Variants in PCDHA12 observed in about 807,000 individuals in gnomAD.
PCDHA12 encodes protocadherin alpha 12.
In PCDHA12, 44 loss-of-function variants were observed where a neutral mutation model predicts 60.0. That is an observed-to-expected ratio of 0.73 (90% CI 0.58 to 0.94). PCDHA12 has a LOEUF of 0.94. Among genes scored for constraint, PCDHA12 ranks in the 40% least tolerant of loss-of-function variants. PCDHA12 has a pLI of 0.00. For missense variants in PCDHA12, 1,276 were observed against 1,239.7 expected, an observed-to-expected ratio of 1.03 and a Z score of -0.44; for synonymous variants, 569 against 553.0, an observed-to-expected ratio of 1.03 and a Z score of -0.40.
At chr5:140,888,645 C>A (rs1275572541) in intron 1 of PCDHA12, among the ~76,000 whole-genome samples, 2 of 152,200 alleles carry the variant, frequency 1.3e-5, no homozygotes, top group African/African-American at 4.8e-5. Context: ...GCAATACTTT[C>A]CTGAGGACAC....
rs782706939 is a variant in PCDHA12 at position 140,967,257 on chromosome 5, G to C, written c.2368-11692G>C. ...CAGGTAAGCGAATCGGTGGCGCCTG[G>C]AGCGCGCTTTCACATAGAGAGTGCG... is the stretch of plus-strand genomic sequence containing the variant. On this transcript the variant is annotated intron_variant, in intron 1 of 3. Coordinates refer to ENST00000398631, the MANE Select transcript of PCDHA12 (RefSeq NM_018903.4). 1.9e-6 allele frequency: 3 copies of C among 1,613,486 alleles called. No individual in the cohort carries two copies. The highest frequency in any genetic ancestry group is 1.3e-5 in the African/African-American group (1 of 75,062).
Position 140,912,620 on chromosome 5 carries a change from G to A in PCDHA12, c.2367+34781G>A, listed in dbSNP as rs149952916. Among the ~76,000 whole-genome samples the A allele has an allele frequency of 2.6e-3, 391 of 152,154 alleles. 2 individuals carry two copies. The highest frequency in any genetic ancestry group is 9.2e-3 in the African/African-American group (380 of 41,510). ...TTTCTTCCTCTTGTCTGATTACTCT[G>A]GATGAGACTTTCAGTACTATGTTGA... On this transcript the variant is annotated intron_variant, in intron 1 of 3. Coordinates refer to ENST00000398631, the MANE Select transcript of PCDHA12 (RefSeq NM_018903.4).
At chr5:141,001,143 G>T (rs1310182286) in intron 3 of PCDHA12, among the ~76,000 whole-genome samples, 1 of 151,914 alleles carries the variant, frequency 6.6e-6, no homozygotes, top group Admixed American at 6.5e-5. Context: ...ATCTTCTGTT[G>T]CTCTGATCTT....
chr5:140,957,100 T>C (rs2095333217), intron 1 of PCDHA12, among the ~76,000 whole-genome samples: 1 of 152,328 alleles, frequency 6.6e-6, no homozygotes, highest in Non-Finnish European at 1.5e-5. Flanking sequence ...AATATTGCTA[T>C]GGACATGATT....
chr5:140,942,618 GT>G (rs1372135994), intron 1 of PCDHA12, among the ~76,000 whole-genome samples: 1 of 97,742 alleles, frequency 1.0e-5, no homozygotes, highest in African/African-American at 5.0e-5. Context: ...TTTGCCAATT[GT>G]AAAAAAAAAA....
intron 1 of PCDHA12, among the ~76,000 whole-genome samples, chr5:140,953,493 A>G (rs959606912): frequency 8.5e-5 from 13 of 152,108 alleles, no homozygotes; most frequent in Non-Finnish European, 1.5e-5. Flanking sequence ...CACAACCTTG[A>G]TCAGCTATTA....
intron 1 of PCDHA12, among the ~76,000 whole-genome samples, chr5:140,911,798 T>C (rs1387986120): frequency 6.6e-6 from 1 of 152,178 alleles, no homozygotes; most frequent in Non-Finnish European, 1.5e-5. Context: ...GGTCTAATCA[T>C]ATTAAGCAGC....
At chr5:140,927,714 C>G (rs111315855) in intron 1 of PCDHA12, 1 of 1,614,198 alleles carries the variant, frequency 6.2e-7, no homozygotes. Flanking sequence ...CCCTAAGCAA[C>G]AGCACGCAAG....
chr5:140,925,026 G>A (rs1440774987), intron 1 of PCDHA12, among the ~76,000 whole-genome samples: 1 of 151,826 alleles, frequency 6.6e-6, no homozygotes, highest in Non-Finnish European at 1.5e-5. Flanking sequence ...TGGGAGGATC[G>A]CTTGAGCCCA....
In PCDHA12 at chr5:141,009,987, A is replaced by C. The variant is rs2154001821; in HGVS notation, c.*50A>C. The C allele has an allele frequency of 6.3e-7, 1 of 1,580,396 alleles. No individual in the cohort carries two copies. Among genetic ancestry groups the C allele is most frequent in the East Asian group, 2.2e-5 (1 of 44,670 alleles). On this transcript the variant is annotated 3_prime_UTR_variant, in exon 4 of 4. Coordinates refer to ENST00000398631, the MANE Select transcript of PCDHA12 (RefSeq NM_018903.4). The stretch of plus-strand genomic sequence containing the variant: ...TTAGCCAGTTTTTGTAATAATGGCA[A>C]ATCTCTCCCATGTAGCAATTCCCTG...
chr5:140,998,240 A>G (rs2097802500), intron 3 of PCDHA12, among the ~76,000 whole-genome samples: 1 of 152,188 alleles, frequency 6.6e-6, no homozygotes, highest in Non-Finnish European at 1.5e-5. Context: ...GTGCATTATT[A>G]TACTCATTTT....
intron 3 of PCDHA12, among the ~76,000 whole-genome samples, chr5:140,990,932 G>A (rs1161440839): frequency 6.6e-6 from 1 of 152,154 alleles, no homozygotes; most frequent in African/African-American, 2.4e-5. Flanking sequence ...ATCCCATACT[G>A]TTGCCTCCTG....
In PCDHA12 at chr5:140,919,966, A is replaced by G. The variant is rs1472155046; in HGVS notation, c.2367+42127A>G. Among the ~76,000 whole-genome samples, 3 of 139,590 alleles carry G rather than the reference A, an allele frequency of 2.1e-5. No homozygotes were observed. The East Asian group carries it at 7.1e-4, about 33-fold the overall frequency. The allele number at this position is 139,590 out of a possible 152,430, so 91.6% of individuals were successfully genotyped here. On this transcript the variant is annotated intron_variant, in intron 1 of 3. Transcript: ENST00000398631. ...GTGAAAAGTTTGTTTTGTTTTTTAA[A>G]TAAGAGATAGAAGATGGAAAACAGA...
intron 1 of PCDHA12, among the ~76,000 whole-genome samples, chr5:140,905,770 C>T (rs1402548672): frequency 6.6e-6 from 1 of 151,878 alleles, no homozygotes; most frequent in African/African-American, 2.4e-5. Flanking sequence ...AAGTATATTC[C>T]GAAGTGTATT....
intron 1 of PCDHA12, among the ~76,000 whole-genome samples, chr5:140,897,837 C>A: frequency 6.6e-6 from 1 of 152,116 alleles, no homozygotes; most frequent in African/African-American, 2.4e-5. Context: ...TCTCCACATC[C>A]TCTCCAGCAC....
chr5:140,887,286 T>TG (rs1171397329), intron 1 of PCDHA12, among the ~76,000 whole-genome samples: 1 of 151,952 alleles, frequency 6.6e-6, no homozygotes, highest in Non-Finnish European at 1.5e-5. Context: ...TTAGTAGAGA[T>TG]GGGGTTTCAT....
intron 1 of PCDHA12, chr5:140,926,601 T>G: frequency 3.1e-6 from 1 of 317,718 alleles, no homozygotes; most frequent in Non-Finnish European, 5.7e-6. Context: ...GCGGGCGGCC[T>G]CGTCTCTGCA....
At chr5:141,002,684 G>C (rs1432098268) in intron 3 of PCDHA12, among the ~76,000 whole-genome samples, 2 of 152,180 alleles carry the variant, frequency 1.3e-5, no homozygotes, top group Non-Finnish European at 2.9e-5. Context: ...TATACGACGT[G>C]CAGATTTGTT....
rs1554206636 is a variant in PCDHA12, at chr5:140,929,056, A to G, written c.2368-49893A>G. The G allele has an allele frequency of 1.2e-6, 2 of 1,614,064 alleles. No individual in the cohort carries two copies. Among genetic ancestry groups the G allele is most frequent in the Non-Finnish European group, 1.7e-6 (2 of 1,180,034 alleles). On this transcript the variant is annotated intron_variant, in intron 1 of 3. Transcript: ENST00000398631. ...TTGCGCTCAGAGCTGCTGTCGCTCTACAGAGGATCTGAGGTATGGAAGTAA... is the reference window on the plus strand; with the variant it reads ...TTGCGCTCAGAGCTGCTGTCGCTCTGCAGAGGATCTGAGGTATGGAAGTAA...
Sources: allele counts gnomAD v4.1 joint callset (sites outside exome capture counted in the v4.1 genomes callset), GRCh38; gene constraint gnomAD v4.1.1; transcripts MANE v1.5; gene names NCBI Gene and HGNC (gene_info 2026-07-23, HGNC 2026-07-21).